The following ZFYVE28 variants were observed in gnomAD, a reference collection of about 807,000 sequenced individuals.
ZFYVE28 encodes lateral signaling target protein 2 homolog.
A neutral mutation model predicts 82.1 loss-of-function variants in ZFYVE28; 40 were observed. That is an observed-to-expected ratio of 0.49 (90% CI 0.38 to 0.63). ZFYVE28 has a LOEUF of 0.63. Ranked by LOEUF, ZFYVE28 falls within the 30% of genes least tolerant of loss-of-function variation. ZFYVE28 has a pLI of 0.00. For synonymous variants in ZFYVE28, 612 were observed against 546.1 expected (o/e 1.12, Z -1.68); for missense variants, 1,321 against 1,242.1 (o/e 1.06, Z -0.96).
chr4:2,306,263 A>G (rs1272905605), intron 7 of ZFYVE28, among the ~76,000 whole-genome samples: 1 of 152,280 alleles, frequency 6.6e-6, no homozygotes, highest in Non-Finnish European at 1.5e-5. Context: ...CTCTGCTGCG[A>G]GAAGCTCCGG....
intron 8 of ZFYVE28, among the ~76,000 whole-genome samples, chr4:2,297,352 C>T (rs1312945442): frequency 6.6e-6 from 1 of 152,186 alleles, no homozygotes; most frequent in Non-Finnish European, 1.5e-5. Flanking sequence ...GGCTCTCCTC[C>T]GTGACACCTC....
At chr4:2,398,697 T>G (rs116347806) in intron 1 of ZFYVE28, among the ~76,000 whole-genome samples, 2 of 85,970 alleles carry the variant, frequency 2.3e-5, no homozygotes, top group African/African-American at 5.1e-5. Flanking sequence ...CAATGGGGGG[T>G]CGAGATCCAG....
In ZFYVE28 at chr4:2,333,853, C is replaced by T. The variant is rs559328999; in HGVS notation, c.701+1852G>A. 2.6e-5 allele frequency among the ~76,000 whole-genome samples: 4 copies of T among 152,330 alleles called. No homozygotes were observed. The South Asian group carries it at 8.3e-4, about 32-fold the overall frequency. On this transcript the variant is annotated intron_variant, in intron 6 of 12. Coordinates refer to ENST00000290974, the MANE Select transcript of ZFYVE28 (RefSeq NM_020972.3). ...AAGAGAAGAATAAGGACCAAAACTGCCTGTCATTTTCTTCAAGTGAGTTTG... is the reference window on the plus strand; with the variant it reads ...AAGAGAAGAATAAGGACCAAAACTGTCTGTCATTTTCTTCAAGTGAGTTTG...
chr4:2,308,658 AAAGAAAGAAAGAAAGAAAGAGAAAG>A, intron 7 of ZFYVE28, among the ~76,000 whole-genome samples: 1 of 126,666 alleles, frequency 7.9e-6, no homozygotes, highest in Non-Finnish European at 1.7e-5. Flanking sequence ...AGAAAGAAAG[AAAGAAAGAAAGAAAGAAAGAGAAAG>A]AAAGAAAAGA....
At position 2,408,850 on chromosome 4, in the gene ZFYVE28, C is replaced by G. The variant is rs187848568; in HGVS notation, c.39+9435G>C. On this transcript the variant is annotated intron_variant, in intron 1 of 12. Coordinates refer to ENST00000290974, the MANE Select transcript of ZFYVE28 (RefSeq NM_020972.3). This position sits in a 1 kb window ranked among gnomAD's most constrained non-coding sequence, Gnocchi z 4.3. The stretch of plus-strand genomic sequence containing the variant: ...CACGGGCTGATCCACCCAATCCTGA[C>G]GTGGGGCAGCAGTGATGGTTTGAAG... Among the ~76,000 whole-genome samples the G allele has an allele frequency of 5.9e-5, 9 of 152,330 alleles. No individual in the cohort carries two copies. Among genetic ancestry groups the G allele is most frequent in the African/African-American group, 2.2e-4 (9 of 41,564 alleles).
intron 6 of ZFYVE28, among the ~76,000 whole-genome samples, chr4:2,321,580 G>A (rs189508428): frequency 3.3e-4 from 50 of 152,082 alleles, no homozygotes; most frequent in Non-Finnish European, 5.6e-4. Flanking sequence ...TGAGCTGCCT[G>A]TCCTGATTGA....
intron 8 of ZFYVE28, among the ~76,000 whole-genome samples, chr4:2,298,003 A>C (rs1357651962): frequency 6.9e-6 from 1 of 144,818 alleles, no homozygotes; most frequent in Non-Finnish European, 1.5e-5. Context: ...GCTGGGACGA[A>C]CAGCAGAGGA....
intron 8 of ZFYVE28, among the ~76,000 whole-genome samples, chr4:2,284,100 C>T (rs953293096): frequency 2.6e-5 from 4 of 152,180 alleles, no homozygotes; most frequent in African/African-American, 4.8e-5. Context: ...TTGGAGCCCC[C>T]GCATCCACAT....
At chr4:2,351,844 T>C (rs866023698) in intron 2 of ZFYVE28, among the ~76,000 whole-genome samples, 1 of 152,252 alleles carries the variant, frequency 6.6e-6, no homozygotes, top group Non-Finnish European at 1.5e-5. Flanking sequence ...GATTAATTTG[T>C]AGAGTGGCTC....
chr4:2,412,520 C>G (rs1203078338), intron 1 of ZFYVE28, among the ~76,000 whole-genome samples: 15 of 152,140 alleles, frequency 9.9e-5, no homozygotes, highest in African/African-American at 3.6e-4. Context: ...CCCAGCCAGG[C>G]CCTGGAGCTC....
intron 1 of ZFYVE28, among the ~76,000 whole-genome samples, chr4:2,359,713 G>A (rs559887579): frequency 3.3e-5 from 5 of 152,124 alleles, no homozygotes; most frequent in Admixed American, 6.5e-5. Flanking sequence ...CCTTTGTTGC[G>A]GCCGCCTGAC....
chr4:2,340,606 C>T (rs1722632065), intron 3 of ZFYVE28, among the ~76,000 whole-genome samples: 1 of 152,178 alleles, frequency 6.6e-6, no homozygotes, highest in African/African-American at 2.4e-5. Context: ...AGGAGCTGTG[C>T]CCACCCCTGT....
chr4:2,390,564 G>A (rs1004336727), intron 1 of ZFYVE28, among the ~76,000 whole-genome samples: 12 of 152,122 alleles, frequency 7.9e-5, no homozygotes, highest in African/African-American at 1.2e-4. Context: ...GAGGTGACCC[G>A]GCCAGGTTTG....
chr4:2,410,789 C>T (rs1732445989), intron 1 of ZFYVE28, among the ~76,000 whole-genome samples: 1 of 152,212 alleles, frequency 6.6e-6, no homozygotes, highest in African/African-American at 2.4e-5. Flanking sequence ...GCCACCACGC[C>T]CTTTCTAATG....
intron 1 of ZFYVE28, among the ~76,000 whole-genome samples, chr4:2,384,236 A>G (rs1359324507): frequency 6.6e-6 from 1 of 152,238 alleles, no homozygotes; most frequent in Non-Finnish European, 1.5e-5. Context: ...CCGAGACTGC[A>G]CTGCTGACAG....
Position 2,324,257 on chromosome 4 carries a change from C to A in ZFYVE28, c.702-3986G>T, listed in dbSNP as rs148438004. On this transcript the variant is annotated intron_variant, in intron 6 of 12. Coordinates refer to ENST00000290974, the MANE Select transcript of ZFYVE28 (RefSeq NM_020972.3). ...GGATCTCAGTCTATTTCTCTCAGGG[C>A]CTTCCATTAATTGGATGAGGCCCAC... is the stretch of plus-strand genomic sequence containing the variant. Among the ~76,000 whole-genome samples, 583 of 152,250 alleles carry A rather than the reference C, an allele frequency of 3.8e-3. 6 individuals are homozygous for A. Among genetic ancestry groups the A allele is most frequent in the African/African-American group, 0.013 (547 of 41,532 alleles).
intron 7 of ZFYVE28, among the ~76,000 whole-genome samples, chr4:2,311,174 T>G (rs1332726307): frequency 6.6e-6 from 1 of 152,206 alleles, no homozygotes; most frequent in South Asian, 2.1e-4. Flanking sequence ...TGTTTTATCT[T>G]TTTTCTCTTG....
chr4:2,319,470 G>T (rs936405973), intron 7 of ZFYVE28, among the ~76,000 whole-genome samples: 1 of 152,186 alleles, frequency 6.6e-6, no homozygotes. Context: ...CCCTCATGGG[G>T]CAGAGTTCTA....
At chr4:2,331,812 C>G (rs1474292332) in intron 6 of ZFYVE28, among the ~76,000 whole-genome samples, 1 of 152,216 alleles carries the variant, frequency 6.6e-6, no homozygotes, top group African/African-American at 2.4e-5. Flanking sequence ...GGGTGCCACC[C>G]AGCACTCCCT....
Sources: gnomAD v4.1 joint callset for allele counts (sites outside exome capture counted in the v4.1 genomes callset) on GRCh38, gnomAD v4.1.1 for gene constraint, Gnocchi (gnomAD v3.1) non-coding constraint, MANE v1.5 for transcripts, NCBI Gene and HGNC (gene_info 2026-07-23, HGNC 2026-07-21) for gene names.